The following POF1B variants were observed in gnomAD, a reference collection of about 807,000 sequenced individuals.
POF1B encodes POF1B actin binding protein, also known as protein POF1B.
Under a neutral mutation model 55.3 loss-of-function variants are expected in POF1B, and 53 were observed. That is an observed-to-expected ratio of 0.96 (90% confidence interval 0.77 to 1.20). POF1B has a LOEUF of 1.20. POF1B is among the 50% of genes most tolerant of loss of function. POF1B has a pLI of 0.00. For missense variants in POF1B, 478 were observed against 420.5 expected, an observed-to-expected ratio of 1.14 and a Z score of -1.20; for synonymous variants, 188 against 148.3, an observed-to-expected ratio of 1.27 and a Z score of -1.95.
At chrX:85,336,479 G>C (rs1933075801) in intron 6 of POF1B, among the ~76,000 whole-genome samples, 1 of 110,463 alleles carries the variant, frequency 9.1e-6, no homozygotes, top group South Asian at 3.8e-4. Flanking sequence ...GTTATTGCCT[G>C]TCTTTTAGAT....
intron 6 of POF1B, among the ~76,000 whole-genome samples, chrX:85,343,152 C>A (rs750708834): frequency 9.1e-6 from 1 of 109,574 alleles, no homozygotes; most frequent in Non-Finnish European, 1.9e-5. Context: ...AGCAAACCTG[C>A]ACGTTCTGTA....
At chrX:85,315,017 A>T (rs992881660) in intron 8 of POF1B, among the ~76,000 whole-genome samples, 1 of 111,460 alleles carries the variant, frequency 9.0e-6, no homozygotes, top group East Asian at 2.8e-4. Flanking sequence ...CAACACTGAA[A>T]CAGCTTCAAC....
intron 15 of POF1B, among the ~76,000 whole-genome samples, chrX:85,286,466 A>G (rs1932057834): frequency 9.0e-6 from 1 of 111,713 alleles, no homozygotes; most frequent in Admixed American, 9.6e-5. Context: ...TGTATTGCCT[A>G]AACACTCAAT....
intron 2 of POF1B, among the ~76,000 whole-genome samples, chrX:85,372,309 G>A (rs1933839204): frequency 2.0e-5 from 2 of 102,413 alleles, no homozygotes; most frequent in Non-Finnish European, 2.0e-5. Flanking sequence ...GTGCCACTGT[G>A]CTCCAGGCTG....
intron 7 of POF1B, among the ~76,000 whole-genome samples, chrX:85,328,403 A>G (rs1333710923): frequency 9.1e-6 from 1 of 109,571 alleles, no homozygotes; most frequent in East Asian, 2.9e-4. Context: ...ACGGGGTTTC[A>G]CCATGTTAGC....
intron 3 of POF1B, among the ~76,000 whole-genome samples, chrX:85,363,877 G>T (rs1019502300): frequency 9.0e-6 from 1 of 111,365 alleles, no homozygotes; most frequent in Admixed American, 9.6e-5. Context: ...TCGCATGGGA[G>T]TCTGCATCTC....
chrX:85,338,720 A>T (rs756332289), intron 6 of POF1B, among the ~76,000 whole-genome samples: 6 of 111,713 alleles, frequency 5.4e-5, no homozygotes, highest in Non-Finnish European at 1.1e-4. Context: ...GAGAGGTTGT[A>T]TGAAGAAAGA....
rs1931806190 is a variant in POF1B at position 85,277,433 on chromosome X, A to G, written c.*1988T>C. The G allele has an allele frequency of 9.0e-6, 1 of 111,005 alleles. No individual in the cohort carries two copies. Among genetic ancestry groups the G allele is most frequent in the African/African-American group, 3.3e-5 (1 of 30,731 alleles). The allele number at this position is 111,005 out of a possible 1,213,427, so 9.1% of individuals were successfully genotyped here. A position where few individuals can be genotyped will look rare whatever the true frequency, so the allele number is the denominator to read the frequency against. ...CAAGTATTTATTTGTGTTACAAACA[A>G]TCCAATTATACTCTTAGTTATTTGT... On this transcript the variant is annotated 3_prime_UTR_variant, in exon 17 of 17. Transcript: ENST00000262753.
At chrX:85,352,007 G>C (rs1241985551) in intron 4 of POF1B, among the ~76,000 whole-genome samples, 2 of 110,379 alleles carry the variant, frequency 1.8e-5, no homozygotes, top group Non-Finnish European at 3.8e-5. Context: ...CATACGTTTT[G>C]AATATTAAGA....
chrX:85,360,896 C>T (rs374836075), intron 3 of POF1B, among the ~76,000 whole-genome samples: 1 of 110,402 alleles, frequency 9.1e-6, no homozygotes, highest in East Asian at 2.8e-4. Flanking sequence ...TTATTTTCTT[C>T]TGGCTTGTTA....
chrX:85,374,547 T>C lies in POF1B; in HGVS notation c.282+4626A>G, dbSNP rs150312863. On this transcript the variant is annotated intron_variant, in intron 2 of 16. Coordinates refer to ENST00000262753, the MANE Select transcript of POF1B (RefSeq NM_024921.4). ...GTTGTCTAATTTGAATTTTAAAACT[T>C]TACATAAAGACTAATATACAGTATA... 5.3e-3 allele frequency among the ~76,000 whole-genome samples: 592 copies of C among 112,403 alleles called. 9 individuals are homozygous for C. Among genetic ancestry groups the C allele is most frequent in the African/African-American group, 0.018 (571 of 31,000 alleles).
intron 15 of POF1B, among the ~76,000 whole-genome samples, chrX:85,292,360 C>T (rs1179511826): frequency 9.0e-6 from 1 of 111,631 alleles, no homozygotes; most frequent in Non-Finnish European, 1.9e-5. Flanking sequence ...AGGATTTTTG[C>T]ATTGATGTTC....
At chrX:85,364,366 G>C (rs1300662371) in intron 3 of POF1B, among the ~76,000 whole-genome samples, 2 of 111,779 alleles carry the variant, frequency 1.8e-5, no homozygotes, top group East Asian at 5.7e-4. Flanking sequence ...ACTTAAGTAT[G>C]TTTTTCTATT....
chrX:85,284,503 A>G (rs1030081261), intron 15 of POF1B, among the ~76,000 whole-genome samples: 5 of 111,772 alleles, frequency 4.5e-5, no homozygotes, highest in African/African-American at 1.6e-4. Flanking sequence ...ATAATACCAC[A>G]CATCTACAAT....
intron 15 of POF1B, among the ~76,000 whole-genome samples, chrX:85,285,223 C>G (rs1233607504): frequency 2.7e-5 from 3 of 111,515 alleles, no homozygotes; most frequent in African/African-American, 9.8e-5. Flanking sequence ...CTAGTTCAGC[C>G]ATTGTGGAAG....
chrX:85,357,987 C>G (rs981716335), intron 4 of POF1B, among the ~76,000 whole-genome samples: 10 of 111,274 alleles, frequency 9.0e-5, no homozygotes, highest in African/African-American at 3.3e-4. Flanking sequence ...TCACCTTACT[C>G]TCAGTGTCTC....
chrX:85,328,306 G>A (rs1425478679), intron 7 of POF1B, among the ~76,000 whole-genome samples: 1 of 108,475 alleles, frequency 9.2e-6, no homozygotes, highest in African/African-American at 3.4e-5. Context: ...CCGGGTTCAC[G>A]TCATTCTCCT....
chrX:85,315,418 T>TG (rs1380665325), intron 8 of POF1B, among the ~76,000 whole-genome samples: 3 of 111,084 alleles, frequency 2.7e-5, no homozygotes, highest in Non-Finnish European at 5.7e-5. Context: ...ACCTACTATG[T>TG]ACACACAAAA....
intron 9 of POF1B, among the ~76,000 whole-genome samples, chrX:85,312,318 T>G (rs904053098): frequency 2.7e-5 from 3 of 112,291 alleles, no homozygotes; most frequent in African/African-American, 9.7e-5. Context: ...GTCTTACCTT[T>G]AAGTCTTTAA....
Sources: gnomAD v4.1 joint callset for allele counts (sites outside exome capture counted in the v4.1 genomes callset) on GRCh38, gnomAD v4.1.1 for gene constraint, MANE v1.5 for transcripts, NCBI Gene and HGNC (gene_info 2026-07-23, HGNC 2026-07-21) for gene names.